The following HYAL4 variants were observed in gnomAD, a reference collection of about 807,000 sequenced individuals.
HYAL4 encodes hyaluronidase 4.
A neutral mutation model predicts 35.2 loss-of-function variants in HYAL4; 37 were observed. The ratio of observed to expected loss-of-function variants is 1.05; its 90% CI spans 0.81 to 1.38. HYAL4 has a LOEUF of 1.38. Among genes scored for constraint, HYAL4 ranks in the 40% most tolerant of loss-of-function variants. HYAL4 has a pLI of 0.00. For missense variants in HYAL4, 572 were observed against 572.4 expected (o/e 1.00, Z 0.01); for synonymous variants, 198 against 203.2 (o/e 0.97, Z 0.22).
chr7:123,803,929 A>C, the HYAL4 span, among the ~76,000 whole-genome samples: 1 of 152,186 alleles, frequency 6.6e-6, no homozygotes, highest in Admixed American at 6.5e-5. Flanking sequence ...CAGATCTTTT[A>C]AACCACATTT....
the HYAL4 span, among the ~76,000 whole-genome samples, chr7:123,764,384 C>G: frequency 6.6e-6 from 1 of 152,262 alleles, no homozygotes; most frequent in Non-Finnish European, 1.5e-5. Flanking sequence ...ATCTAATCCC[C>G]TCACAGCTTA....
the HYAL4 span, among the ~76,000 whole-genome samples, chr7:123,776,651 T>G: frequency 6.6e-5 from 10 of 152,186 alleles, no homozygotes; most frequent in Non-Finnish European, 1.0e-4. Flanking sequence ...ACTCCTGGCC[T>G]CAAGCTGTCC....
chr7:123,857,673 C>CTTTCTTTCTT (rs1277980640), intron 2 of HYAL4, among the ~76,000 whole-genome samples: 1 of 60,896 alleles, frequency 1.6e-5, no homozygotes, highest in East Asian at 6.2e-4. Flanking sequence ...TTGTTTGTTT[C>CTTTCTTTCTT]TTTCTTTCTT....
intron 2 of HYAL4, among the ~76,000 whole-genome samples, chr7:123,865,154 G>A (rs574115945): frequency 6.6e-6 from 1 of 152,232 alleles, no homozygotes; most frequent in Admixed American, 6.5e-5. Context: ...TGATGAGGGA[G>A]CCGACCAAAG....
the HYAL4 span, among the ~76,000 whole-genome samples, chr7:123,813,875 T>C: frequency 1.3e-5 from 2 of 152,314 alleles, no homozygotes; most frequent in South Asian, 2.1e-4. Context: ...TTCAGAATCA[T>C]AGGAAATTAA....
At chr7:123,850,446 G>A (rs1197284116) in intron 2 of HYAL4, among the ~76,000 whole-genome samples, 1 of 152,086 alleles carries the variant, frequency 6.6e-6, no homozygotes, top group Admixed American at 6.6e-5. Flanking sequence ...TTGCCATGTT[G>A]CTCAAGCTGG....
the HYAL4 span, among the ~76,000 whole-genome samples, chr7:123,765,500 A>G: frequency 1.3e-5 from 2 of 152,134 alleles, no homozygotes; most frequent in South Asian, 4.1e-4. Flanking sequence ...AAGGTCTGTT[A>G]CTCTAATAAT....
In HYAL4 at chr7:123,868,877, A is replaced by G. The variant is rs1240197534; in HGVS notation, c.604A>G (p.Thr202Ala). 3.7e-6 allele frequency: 6 copies of G among 1,614,210 alleles called. No homozygotes were observed. Among genetic ancestry groups the G allele is most frequent in the Non-Finnish European group, 5.1e-6 (6 of 1,180,020 alleles). The change falls in exon 3 of 5, where the codon ACC (threonine) becomes GCC (alanine). Residue 202 changes from threonine to alanine, a missense_variant. Coordinates refer to ENST00000223026, the MANE Select transcript of HYAL4 (RefSeq NM_012269.3). Reference sequence around the variant, plus strand: ...AAGTGCAAAAGCTTTCATGAAGGAAACCATCAAATTGGGAATTAAGAGCCG... The same window carrying G: ...AAGTGCAAAAGCTTTCATGAAGGAAGCCATCAAATTGGGAATTAAGAGCCG... ...EESAKAFMKE[T>A]IKLGIKSRPK...
the HYAL4 span, among the ~76,000 whole-genome samples, chr7:123,812,091 C>T: frequency 7.2e-5 from 11 of 152,088 alleles, no homozygotes; most frequent in African/African-American, 1.9e-4. Context: ...CTGCCTGCCT[C>T]GGCCTCCCAA....
the HYAL4 span, among the ~76,000 whole-genome samples, chr7:123,801,893 A>C: frequency 2.6e-5 from 4 of 152,192 alleles, no homozygotes; most frequent in Non-Finnish European, 5.9e-5. Flanking sequence ...AGCAAACCAG[A>C]CTGCCTGGTC....
chr7:123,840,744 T>A (rs572154982), upstream of HYAL4, among the ~76,000 whole-genome samples: 39 of 152,054 alleles, frequency 2.6e-4, no homozygotes, highest in East Asian at 6.8e-3. Flanking sequence ...ATTCTCTTTG[T>A]AGCAATTGTG....
chr7:123,865,384 A>AG lies in HYAL4; in HGVS notation c.-51-2835dup, dbSNP rs1317067746. Among the ~76,000 whole-genome samples the AG allele has an allele frequency of 9.8e-5, 15 of 152,334 alleles. 1 individual carries two copies. In the South Asian group the frequency reaches 1.9e-3, roughly 19 times the overall value. ...AAAATATAATAAAAAATCAAAGAGA[A>AG]GGGGAAGTTTTGAGTACCACAATTT... On this transcript the variant is annotated intron_variant, in intron 2 of 4. Coordinates refer to ENST00000223026, the MANE Select transcript of HYAL4 (RefSeq NM_012269.3).
At chr7:123,843,184 G>A (rs1806103021), upstream of HYAL4, among the ~76,000 whole-genome samples, 1 of 151,976 alleles carries the variant, frequency 6.6e-6, no homozygotes, top group African/African-American at 2.4e-5. Context: ...GTTCTTGTAA[G>A]GCAGGCCTGG....
intron 2 of HYAL4, among the ~76,000 whole-genome samples, chr7:123,854,785 T>C (rs1183973673): frequency 2.6e-5 from 4 of 152,178 alleles, no homozygotes; most frequent in Non-Finnish European, 4.4e-5. Context: ...TTGTTAATTT[T>C]CTGTCTCGTT....
At chr7:123,855,702 C>G (rs1806420720) in intron 2 of HYAL4, among the ~76,000 whole-genome samples, 1 of 152,046 alleles carries the variant, frequency 6.6e-6, no homozygotes, top group South Asian at 2.1e-4. Flanking sequence ...CGAGGAGTAT[C>G]TTTGTGGTGG....
the HYAL4 span, among the ~76,000 whole-genome samples, chr7:123,795,866 T>C: frequency 6.6e-6 from 1 of 152,170 alleles, no homozygotes; most frequent in Non-Finnish European, 1.5e-5. Context: ...CAGTACTGCA[T>C]CATGGTTGGA....
At chr7:123,763,726 C>T in the HYAL4 span, among the ~76,000 whole-genome samples, 7 of 152,238 alleles carry the variant, frequency 4.6e-5, no homozygotes, top group African/African-American at 1.4e-4. Context: ...AGCATGCTGT[C>T]ACCTCTCAAT....
the HYAL4 span, among the ~76,000 whole-genome samples, chr7:123,785,605 A>G: frequency 6.6e-6 from 1 of 152,206 alleles, no homozygotes; most frequent in Non-Finnish European, 1.5e-5. The surrounding 1 kb of genome is among the most constrained non-coding windows in gnomAD (Gnocchi z 4.5). Flanking sequence ...TGATACATAT[A>G]TTGTAAAGAA....
the HYAL4 span, among the ~76,000 whole-genome samples, chr7:123,784,794 A>G: frequency 6.6e-6 from 1 of 152,158 alleles, no homozygotes; most frequent in South Asian, 2.1e-4. Flanking sequence ...GAAAACAAGG[A>G]GCCTTCCAGG....
Sources: gnomAD v4.1 joint callset for allele counts (sites outside exome capture counted in the v4.1 genomes callset) on GRCh38, gnomAD v4.1.1 for gene constraint, Gnocchi (gnomAD v3.1) non-coding constraint, MANE v1.5 for transcripts, NCBI Gene and HGNC (gene_info 2026-07-23, HGNC 2026-07-21) for gene names.